The following RABGAP1L variants were observed in gnomAD, a reference collection of about 807,000 sequenced individuals.
RABGAP1L encodes the protein rab GTPase-activating protein 1-like.
Under a neutral mutation model 137.7 loss-of-function variants are expected in RABGAP1L, and 63 were observed. The observed-to-expected ratio is 0.46, with a 90% CI of 0.37 to 0.56. The LOEUF (loss-of-function observed/expected upper bound fraction) is 0.56, where lower values mean the gene tolerates loss of function less well. RABGAP1L is among the 20% of genes least tolerant of loss of function. RABGAP1L has a pLI of 0.00. For synonymous variants in RABGAP1L, 431 were observed against 433.7 expected (o/e 0.99, Z 0.08); for missense variants, 1,095 against 1,244.0 (o/e 0.88, Z 1.80).
chr1:174,638,982 C>T (rs1300662073), intron 14 of RABGAP1L, among the ~76,000 whole-genome samples: 22 of 145,724 alleles, frequency 1.5e-4, no homozygotes, highest in African/African-American at 4.9e-4. Flanking sequence ...CACATGTATA[C>T]ATATGTATCT....
At chr1:174,384,604 C>T (rs1489752480) in intron 12 of RABGAP1L, among the ~76,000 whole-genome samples, 1 of 151,820 alleles carries the variant, frequency 6.6e-6, no homozygotes, top group Non-Finnish European at 1.5e-5. Flanking sequence ...AGAACAGTGC[C>T]TTCATTATAC....
chr1:174,842,058 T>C (rs1236588204), intron 19 of RABGAP1L, among the ~76,000 whole-genome samples: 1 of 152,176 alleles, frequency 6.6e-6, no homozygotes, highest in Non-Finnish European at 1.5e-5. Flanking sequence ...TGAGTAGTTA[T>C]TTCATGTTTT....
At chr1:174,639,012 T>G (rs967032415) in intron 14 of RABGAP1L, among the ~76,000 whole-genome samples, 4 of 149,912 alleles carry the variant, frequency 2.7e-5, no homozygotes, top group Non-Finnish European at 4.4e-5. Context: ...AATGTGCACA[T>G]GTACCCTAAA....
At chr1:174,982,728 C>A in intron 23 of RABGAP1L, 106 bp from the exon 24 acceptor site, 1 of 1,140,162 alleles carries the variant, frequency 8.8e-7, no homozygotes, top group Non-Finnish European at 1.3e-6. Flanking sequence ...AAAATTCCTT[C>A]TAGGATCAGA....
Position 174,448,395 on chromosome 1 carries a change from T to G in RABGAP1L, c.1710+54250T>G, listed in dbSNP as rs763702465. 1 of 1,613,468 alleles carries G rather than the reference T, an allele frequency of 6.2e-7. No homozygotes were observed. The highest frequency in any genetic ancestry group is 8.5e-7 in the Non-Finnish European group (1 of 1,179,376). On this transcript the variant is annotated intron_variant, in intron 13 of 25. Coordinates refer to ENST00000681986, the MANE Select transcript of RABGAP1L (RefSeq NM_001366446.1). This position sits in a 1 kb window ranked among gnomAD's most constrained non-coding sequence, Gnocchi z 4.2. ...GATCTTTTCGTTGGAGTTAGCTGCT[T>G]GGTTCCTACTCTGTCACTTCTCCAC...
chr1:174,193,890 G>A (rs774768868), intron 1 of RABGAP1L, among the ~76,000 whole-genome samples: 9 of 152,080 alleles, frequency 5.9e-5, no homozygotes, highest in Non-Finnish European at 1.3e-4. Context: ...ACAGTAATAG[G>A]AGCAATAATT....
At chr1:174,977,673 A>T (rs771788980) in intron 22 of RABGAP1L, among the ~76,000 whole-genome samples, 1 of 152,212 alleles carries the variant, frequency 6.6e-6, no homozygotes, top group Non-Finnish European at 1.5e-5. Context: ...TGAGGAAACT[A>T]TGGCTTAGAT....
intron 7 of RABGAP1L, among the ~76,000 whole-genome samples, chr1:174,267,296 G>C (rs1376116179): frequency 6.6e-6 from 1 of 152,164 alleles, no homozygotes; most frequent in African/African-American, 2.4e-5. Context: ...TATGTCTGTA[G>C]TATAGCAAAC....
chr1:174,787,130 T>C (rs1005233240), intron 18 of RABGAP1L, among the ~76,000 whole-genome samples: 3 of 151,906 alleles, frequency 2.0e-5, no homozygotes, highest in African/African-American at 7.2e-5. Flanking sequence ...AGGCTGGACA[T>C]AGTGGCTCAC....
At chr1:174,398,040 G>T (rs1278223089) in intron 13 of RABGAP1L, among the ~76,000 whole-genome samples, 2 of 152,172 alleles carry the variant, frequency 1.3e-5, no homozygotes, top group Non-Finnish European at 2.9e-5. Flanking sequence ...CAGAATGTGG[G>T]ACTAGGAGAA....
At position 174,686,648 on chromosome 1, in the gene RABGAP1L, C is replaced by CTTTTTTTTTTTTTTTTT. The variant is rs533716511; in HGVS notation, c.1899+3063_1899+3079dup. On this transcript the variant is annotated intron_variant, in intron 15 of 25. Coordinates refer to ENST00000681986, the MANE Select transcript of RABGAP1L (RefSeq NM_001366446.1). Reference sequence around the variant, plus strand: ...GAAGCTTTGGTTTGAACAAAGCAATCTTTTTTTTTTTTTTTTTTTTTTTTT... The same window carrying CTTTTTTTTTTTTTTTTT: ...GAAGCTTTGGTTTGAACAAAGCAATCTTTTTTTTTTTTTTTTTTTTTTTTTTTTTTTTTTTTTTTTTT... 1.9e-5 allele frequency among the ~76,000 whole-genome samples: 2 copies of CTTTTTTTTTTTTTTTTT among 105,770 alleles called. 1 individual carries two copies. 69.4% of individuals were successfully genotyped at this position (105,770 alleles called of 152,430 possible). A position where few individuals can be genotyped will look rare whatever the true frequency, so the allele number is the denominator to read the frequency against.
intron 13 of RABGAP1L, among the ~76,000 whole-genome samples, chr1:174,615,246 A>C (rs1671701355): frequency 6.6e-6 from 1 of 152,108 alleles, no homozygotes; most frequent in Non-Finnish European, 1.5e-5. Flanking sequence ...TTATGTACAG[A>C]TGGGTTTTTG....
At chr1:174,577,354 A>T (rs562455405) in intron 13 of RABGAP1L, among the ~76,000 whole-genome samples, 6 of 151,676 alleles carry the variant, frequency 4.0e-5, no homozygotes, top group Non-Finnish European at 5.9e-5. Flanking sequence ...AAATATGTAC[A>T]TATAGTCAAT....
chr1:174,400,264 C>T (rs1164275427), intron 13 of RABGAP1L, among the ~76,000 whole-genome samples: 1 of 152,062 alleles, frequency 6.6e-6, no homozygotes, highest in Admixed American at 6.6e-5. Context: ...CAAATATATT[C>T]GATTTTGTGA....
intron 19 of RABGAP1L, among the ~76,000 whole-genome samples, chr1:174,847,306 C>G (rs1327561409): frequency 1.3e-5 from 2 of 151,588 alleles, no homozygotes; most frequent in African/African-American, 4.9e-5. Flanking sequence ...TTAGTTGATG[C>G]AGTTTCTTCT....
At chr1:174,867,972 ACT>A (rs1402837983) in intron 19 of RABGAP1L, among the ~76,000 whole-genome samples, 3 of 147,210 alleles carry the variant, frequency 2.0e-5, no homozygotes, top group Admixed American at 6.8e-5. Context: ...AATTGCTTAA[ACT>A]CTTTTTTTTT....
intron 19 of RABGAP1L, among the ~76,000 whole-genome samples, chr1:174,838,858 T>C (rs1693043332): frequency 1.5e-5 from 2 of 130,232 alleles, no homozygotes; most frequent in Admixed American, 2.1e-4. Context: ...GCGGAGCTTG[T>C]AGTGAGCCGA....
In RABGAP1L at chr1:174,550,995, TACAC is replaced by T. The variant is rs202232006; in HGVS notation, c.1711-86378_1711-86375del. ...ACATGTATATATACATATATATATA[TACAC>T]ATATATATATATATATATATATACA... On this transcript the variant is annotated intron_variant, in intron 13 of 25. Coordinates refer to ENST00000681986, the MANE Select transcript of RABGAP1L (RefSeq NM_001366446.1). 3.4e-4 allele frequency among the ~76,000 whole-genome samples: 22 copies of T among 64,388 alleles called. 1 individual carries two copies. The African/African-American group carries it at 3.7e-3, about 11-fold the overall frequency. The allele number at this position is 64,388 out of a possible 152,430, so 42.2% of individuals were successfully genotyped here. A position where few individuals can be genotyped will look rare whatever the true frequency, so the allele number is the denominator to read the frequency against.
intron 18 of RABGAP1L, among the ~76,000 whole-genome samples, chr1:174,802,877 T>C (rs1479652420): frequency 1.3e-5 from 2 of 152,216 alleles, no homozygotes; most frequent in Non-Finnish European, 2.9e-5. Flanking sequence ...CAATGGCTAA[T>C]CTGCACAGGA....
Sources: allele counts gnomAD v4.1 joint callset (sites outside exome capture counted in the v4.1 genomes callset), GRCh38; gene constraint gnomAD v4.1.1; non-coding constraint Gnocchi (gnomAD v3.1); transcripts MANE v1.5; gene names NCBI Gene and HGNC (gene_info 2026-07-23, HGNC 2026-07-21).